Variants in RMDN2 observed in about 807,000 individuals in gnomAD.
RMDN2 encodes the protein regulator of microtubule dynamics 2, also known as regulator of microtubule dynamics protein 2.
Under a neutral mutation model 52.8 loss-of-function variants are expected in RMDN2, and 61 were observed. The observed-to-expected ratio is 1.16, with a 90% CI of 0.94 to 1.43. The LOEUF (loss-of-function observed/expected upper bound fraction) is 1.43, where lower values mean the gene tolerates loss of function less well. Ranked by LOEUF, RMDN2 falls within the 40% of genes most tolerant of loss-of-function variation. The pLI is 0.00. For missense variants in RMDN2, 592 were observed against 475.3 expected (o/e 1.25, Z -2.28); for synonymous variants, 180 against 153.1 (o/e 1.18, Z -1.30).
At chr2:37,951,160 C>G in intron 2 of RMDN2, 1 of 1,396,192 alleles carries the variant, frequency 7.2e-7, no homozygotes, top group Non-Finnish European at 9.6e-7. Flanking sequence ...GGATATTATT[C>G]TTCAGGAGGC....
At chr2:37,980,936 G>A (rs574471143) in intron 4 of RMDN2, among the ~76,000 whole-genome samples, 1 of 152,270 alleles carries the variant, frequency 6.6e-6, no homozygotes, top group African/African-American at 2.4e-5. Context: ...TAGGTACTCA[G>A]TAAATGTTGT....
At chr2:37,977,645 G>A (rs535289928) in intron 4 of RMDN2, among the ~76,000 whole-genome samples, 1 of 152,056 alleles carries the variant, frequency 6.6e-6, no homozygotes, top group African/African-American at 2.4e-5. Context: ...CCCAGACGGG[G>A]TGCCAGTGGG....
upstream of RMDN2, among the ~76,000 whole-genome samples, chr2:37,924,850 T>C (rs1202659875): frequency 6.6e-6 from 1 of 152,208 alleles, no homozygotes. Flanking sequence ...GATAAAGCTA[T>C]GAACACGGGG....
intron 2 of RMDN2, among the ~76,000 whole-genome samples, chr2:37,934,949 T>C (rs1667164332): frequency 6.6e-6 from 1 of 152,228 alleles, no homozygotes; most frequent in South Asian, 2.1e-4. Context: ...TTGATTCCAG[T>C]TGAAAGTAAC....
chr2:38,010,297 C>A (rs1045635447), intron 10 of RMDN2, among the ~76,000 whole-genome samples: 2 of 152,198 alleles, frequency 1.3e-5, no homozygotes, highest in Non-Finnish European at 2.9e-5. Flanking sequence ...TGGCTAAGCC[C>A]TGCCCCCAGA....
At chr2:37,947,025 T>A (rs1463524652) in intron 2 of RMDN2, among the ~76,000 whole-genome samples, 1 of 152,228 alleles carries the variant, frequency 6.6e-6, no homozygotes, top group African/African-American at 2.4e-5. Flanking sequence ...TGCTGTCTAG[T>A]GAATTTATTT....
chr2:37,963,664 C>T (rs1670590573), intron 2 of RMDN2, among the ~76,000 whole-genome samples: 1 of 152,220 alleles, frequency 6.6e-6, no homozygotes, highest in Non-Finnish European at 1.5e-5. Context: ...CATCCCAAGG[C>T]AGAAGAATCT....
At chr2:37,967,143 TTTTG>T (rs1309786397) in intron 2 of RMDN2, among the ~76,000 whole-genome samples, 3 of 152,124 alleles carry the variant, frequency 2.0e-5, no homozygotes, top group African/African-American at 7.2e-5. Context: ...AAAAAATGAA[TTTTG>T]TTTGTGTCCT....
chr2:38,013,865 C>T (rs1188679336), intron 10 of RMDN2, among the ~76,000 whole-genome samples: 3 of 152,162 alleles, frequency 2.0e-5, no homozygotes, highest in Admixed American at 6.5e-5. Context: ...TAAATTAACT[C>T]ATCTGTGCTA....
At chr2:37,940,007 C>T (rs893145366) in intron 2 of RMDN2, among the ~76,000 whole-genome samples, 2 of 152,136 alleles carry the variant, frequency 1.3e-5, no homozygotes, top group African/African-American at 4.8e-5. Flanking sequence ...TGTGTTTTTG[C>T]CGTGTCTGGT....
chr2:37,964,600 A>G (rs1234672107), intron 2 of RMDN2, among the ~76,000 whole-genome samples: 1 of 152,134 alleles, frequency 6.6e-6, no homozygotes, highest in Non-Finnish European at 1.5e-5. Flanking sequence ...GTGGCCTAAT[A>G]TATTATCTAC....
At chr2:37,969,160 G>T (rs1208260987) in intron 2 of RMDN2, among the ~76,000 whole-genome samples, 1 of 150,832 alleles carries the variant, frequency 6.6e-6, no homozygotes, top group East Asian at 1.9e-4. Flanking sequence ...CCTTTATACT[G>T]CAGTTCTGAT....
At chr2:37,925,001 A>C (rs183784917), upstream of RMDN2, among the ~76,000 whole-genome samples, 47 of 152,250 alleles carry the variant, frequency 3.1e-4, no homozygotes, top group African/African-American at 1.1e-3. Flanking sequence ...GAACGAAGCG[A>C]GCTGGCGGTG....
intron 10 of RMDN2, among the ~76,000 whole-genome samples, chr2:38,029,142 C>T (rs1356254538): frequency 6.6e-6 from 1 of 152,124 alleles, no homozygotes; most frequent in Non-Finnish European, 1.5e-5. Flanking sequence ...TTTGTGTACC[C>T]CACGCTCCCA....
chr2:38,009,576 A>T (rs1053902081), intron 10 of RMDN2, among the ~76,000 whole-genome samples: 1 of 152,126 alleles, frequency 6.6e-6, no homozygotes, highest in African/African-American at 2.4e-5. Flanking sequence ...CCTTTAAGGA[A>T]TTCTCTGCGT....
chr2:37,951,801 T>C (rs1165566062), intron 2 of RMDN2: 8 of 1,613,428 alleles, frequency 5.0e-6, no homozygotes, highest in Non-Finnish European at 6.8e-6. Context: ...AAACACTACT[T>C]CTCCAGCCTT....
At chr2:38,010,219 C>T (rs572717664) in intron 10 of RMDN2, among the ~76,000 whole-genome samples, 2 of 152,144 alleles carry the variant, frequency 1.3e-5, no homozygotes, top group African/African-American at 4.8e-5. Flanking sequence ...GCTGGGAGAA[C>T]CACTACTCTC....
At chr2:38,013,328 A>G (rs977617093) in intron 10 of RMDN2, among the ~76,000 whole-genome samples, 1 of 152,236 alleles carries the variant, frequency 6.6e-6, no homozygotes, top group Non-Finnish European at 1.5e-5. Flanking sequence ...CTAAACTGGT[A>G]AAGAAAAACC....
chr2:37,983,730 A>C (rs35615184), intron 5 of RMDN2, among the ~76,000 whole-genome samples: 65,745 of 151,948 alleles, frequency 0.43, 16,061 homozygotes, highest in East Asian at 0.78. Flanking sequence ...TTTTATAATT[A>C]ATTATAATAA....
Sources: allele counts gnomAD v4.1 joint callset (sites outside exome capture counted in the v4.1 genomes callset), GRCh38; gene constraint gnomAD v4.1.1; transcripts MANE v1.5; gene names NCBI Gene and HGNC (gene_info 2026-07-23, HGNC 2026-07-21).